Variants in PSD3 observed in about 807,000 individuals in gnomAD.
The protein encoded by PSD3 is PH and SEC7 domain-containing protein 3.
In PSD3, 49 loss-of-function variants were observed where a neutral mutation model predicts 105.5. That is an observed-to-expected ratio of 0.46 (90% confidence interval 0.37 to 0.59). The LOEUF (loss-of-function observed/expected upper bound fraction) is 0.59, where lower values mean the gene tolerates loss of function less well. Ranked by LOEUF, PSD3 falls within the 20% of genes least tolerant of loss-of-function variation. The pLI is 0.00. For missense variants in PSD3, 1,561 were observed against 1,263.8 expected (o/e 1.24, Z -3.57); for synonymous variants, 557 against 457.8 (o/e 1.22, Z -2.77).
At chr8:18,909,369 T>G (rs543900136) in intron 2 of PSD3, among the ~76,000 whole-genome samples, 1 of 152,296 alleles carries the variant, frequency 6.6e-6, no homozygotes, top group South Asian at 2.1e-4. Flanking sequence ...GTATAGGCAC[T>G]CACACACAAA....
At chr8:18,792,294 A>G (rs750746885) in intron 8 of PSD3, among the ~76,000 whole-genome samples, 1 of 152,252 alleles carries the variant, frequency 6.6e-6, no homozygotes, top group Non-Finnish European at 1.5e-5. Flanking sequence ...TATTTACAGT[A>G]GGAAAGACAT....
At chr8:18,798,703 T>G (rs1443999401) in intron 8 of PSD3, among the ~76,000 whole-genome samples, 1 of 66,152 alleles carries the variant, frequency 1.5e-5, no homozygotes, top group African/African-American at 3.2e-5. Flanking sequence ...CAGGTTCATT[T>G]ATTTTAAAGA....
rs546697752 is a variant in PSD3, at chr8:18,835,777, C to T, written c.1635-30879G>A. 2.0e-5 allele frequency among the ~76,000 whole-genome samples: 3 copies of T among 152,300 alleles called. No homozygotes were observed. In the South Asian group the frequency reaches 6.2e-4, roughly 32 times the overall value. On this transcript the variant is annotated intron_variant, in intron 4 of 15. Coordinates refer to ENST00000327040, the MANE Select transcript of PSD3 (RefSeq NM_015310.4). ...GCAAAGGCCCCGAGGTGGAAGCATG[C>T]CCGGCGTGCTCAGAAATGGCCAAAG...
intron 9 of PSD3, among the ~76,000 whole-genome samples, chr8:18,675,978 C>G (rs889851865): frequency 6.6e-6 from 1 of 152,260 alleles, no homozygotes; most frequent in East Asian, 1.9e-4. Flanking sequence ...TAGCTTGTCA[C>G]CATACATATT....
At chr8:18,985,874 G>C (rs1291206858) in intron 1 of PSD3, among the ~76,000 whole-genome samples, 10 of 151,168 alleles carry the variant, frequency 6.6e-5, no homozygotes, top group African/African-American at 2.2e-4. Flanking sequence ...TTTTTTAATG[G>C]ATACTTTCTA....
chr8:19,001,183 C>T (rs1000049384), intron 1 of PSD3, among the ~76,000 whole-genome samples: 2 of 151,620 alleles, frequency 1.3e-5, no homozygotes, highest in Non-Finnish European at 2.9e-5. Flanking sequence ...CAGCCTTGAC[C>T]TCCTAGGCTC....
chr8:18,969,797 T>C (rs1824517668), intron 1 of PSD3, among the ~76,000 whole-genome samples: 1 of 152,100 alleles, frequency 6.6e-6, no homozygotes, highest in South Asian at 2.1e-4. Flanking sequence ...GGAGCAAATA[T>C]TTAGGAGGAA....
chr8:18,927,735 C>T (rs927867088), intron 2 of PSD3, among the ~76,000 whole-genome samples: 3 of 152,100 alleles, frequency 2.0e-5, no homozygotes, highest in East Asian at 1.9e-4. Flanking sequence ...TGCCCAGCCC[C>T]GTCCTGAAGC....
chr8:18,648,573 A>G (rs1367237125), intron 10 of PSD3, among the ~76,000 whole-genome samples: 3 of 152,240 alleles, frequency 2.0e-5, no homozygotes, highest in African/African-American at 7.2e-5. Context: ...TATATCTAAA[A>G]GTTTGGAAAA....
intron 8 of PSD3, among the ~76,000 whole-genome samples, chr8:18,781,077 ACTTTGGAGT>A (rs1257395914): frequency 6.6e-6 from 1 of 151,902 alleles, no homozygotes; most frequent in African/African-American, 2.4e-5. Flanking sequence ...GCTTTTCACC[ACTTTGGAGT>A]TATCATTTCA....
At chr8:19,004,468 A>G (rs1826557800) in intron 1 of PSD3, among the ~76,000 whole-genome samples, 1 of 152,122 alleles carries the variant, frequency 6.6e-6, no homozygotes. Flanking sequence ...CACTTATTTC[A>G]AAGGTCAGGA....
rs183222651 is a variant in PSD3 at position 18,938,747 on chromosome 8, C to T, written c.22-2605G>A. Among the ~76,000 whole-genome samples, 58 of 152,158 alleles carry T rather than the reference C, an allele frequency of 3.8e-4. No individual in the cohort carries two copies. The East Asian group carries it at 3.9e-3, about 10-fold the overall frequency. The stretch of plus-strand genomic sequence containing the variant: ...TACATGGAATATCTCATTTAATGCT[C>T]AGAACAATCCTATGAGGTGGGGGCT... On this transcript the variant is annotated intron_variant, in intron 1 of 15. Coordinates refer to ENST00000327040, the MANE Select transcript of PSD3 (RefSeq NM_015310.4).
At position 19,074,121 on chromosome 8, in the gene PSD3, T is replaced by C. The variant is rs544472604; in HGVS notation, c.324+10085A>G. ...AATTGTTTATGTGCTGCCTCAAGAT[T>C]GCAGTCTTGCGCTGGGATCCTCATC... On this transcript the variant is annotated intron_variant, in intron 1 of 1. Transcript: ENST00000521475. Among the ~76,000 whole-genome samples, 58 of 152,250 alleles carry C rather than the reference T, an allele frequency of 3.8e-4. No individual in the cohort carries two copies. In the South Asian group the frequency reaches 0.01, roughly 27 times the overall value.
intron 4 of PSD3, among the ~76,000 whole-genome samples, chr8:18,841,467 AACAC>A (rs35771611): frequency 0.085 from 12,614 of 148,160 alleles, 1,220 homozygotes; most frequent in African/African-American, 0.23. Flanking sequence ...CTGCTATTTA[AACAC>A]ACACACACAC....
At chr8:19,007,525 C>T (rs1454262611) in intron 1 of PSD3, among the ~76,000 whole-genome samples, 1 of 152,036 alleles carries the variant, frequency 6.6e-6, no homozygotes, top group Non-Finnish European at 1.5e-5. Context: ...CTCTATTGAA[C>T]AATGCTGATT....
At chr8:18,762,246 T>C (rs1185600380) in intron 9 of PSD3, among the ~76,000 whole-genome samples, 1 of 152,092 alleles carries the variant, frequency 6.6e-6, no homozygotes, top group East Asian at 1.9e-4. Context: ...TATGGTTATT[T>C]AACAGTGTGC....
Position 18,700,580 on chromosome 8 carries a change from T to C in PSD3, c.2173-44895A>G, listed in dbSNP as rs190578220. On this transcript the variant is annotated intron_variant, in intron 9 of 15. Transcript: ENST00000327040. Reference sequence around the variant, plus strand: ...GCTAAGAATAAGCATAAGCACAACATGGTCTCTTAGCAGACATACTGGGGG... The same window carrying C: ...GCTAAGAATAAGCATAAGCACAACACGGTCTCTTAGCAGACATACTGGGGG... 2.6e-4 allele frequency among the ~76,000 whole-genome samples: 40 copies of C among 152,342 alleles called. 1 individual carries two copies. The highest frequency in any genetic ancestry group is 2.1e-3 in the Admixed American group (32 of 15,308).
chr8:18,538,080 C>T (rs892523913), intron 15 of PSD3, among the ~76,000 whole-genome samples: 3 of 151,018 alleles, frequency 2.0e-5, no homozygotes, highest in Admixed American at 2.0e-4. Context: ...CATGCTGCAC[C>T]TGAGGAAAAA....
chr8:18,725,024 G>A (rs1195821504), intron 9 of PSD3, among the ~76,000 whole-genome samples: 4 of 152,118 alleles, frequency 2.6e-5, no homozygotes, highest in Non-Finnish European at 5.9e-5. Context: ...TACCATGTTG[G>A]GAATCATTGA....
Sources: allele counts gnomAD v4.1 joint callset (sites outside exome capture counted in the v4.1 genomes callset), GRCh38; gene constraint gnomAD v4.1.1; transcripts MANE v1.5; gene names NCBI Gene and HGNC (gene_info 2026-07-23, HGNC 2026-07-21).